Variants in VRK2 observed in about 807,000 individuals in gnomAD.
VRK2 encodes VRK serine/threonine kinase 2.
In VRK2, 60 loss-of-function variants were observed where a neutral mutation model predicts 57.6. That is an observed-to-expected ratio of 1.04 (90% confidence interval 0.85 to 1.29). VRK2 has a LOEUF of 1.29. VRK2 is among the 50% of genes most tolerant of loss of function. VRK2 has a pLI of 0.00. For synonymous variants in VRK2, 231 were observed against 199.2 expected, an observed-to-expected ratio of 1.16 and a Z score of -1.35; for missense variants, 705 against 588.1, an observed-to-expected ratio of 1.20 and a Z score of -2.06.
intron 1 of VRK2, among the ~76,000 whole-genome samples, chr2:57,952,434 G>T (rs531494118): frequency 5.3e-5 from 8 of 152,260 alleles, no homozygotes; most frequent in African/African-American, 1.9e-4. Flanking sequence ...ACGAAAGAGG[G>T]AATTAACATT....
intron 2 of VRK2, among the ~76,000 whole-genome samples, chr2:58,058,737 T>C (rs886300710): frequency 1.3e-5 from 2 of 152,004 alleles, no homozygotes; most frequent in Non-Finnish European, 2.9e-5. Flanking sequence ...TGTGCCAAGC[T>C]CTGTGTTAAG....
At chr2:57,932,596 T>C (rs1447287593) in intron 1 of VRK2, among the ~76,000 whole-genome samples, 1 of 152,078 alleles carries the variant, frequency 6.6e-6, no homozygotes. Flanking sequence ...TTTTACTTAG[T>C]CCAGCTAAAG....
At chr2:58,154,377 G>A (rs564168060) in intron 12 of VRK2, among the ~76,000 whole-genome samples, 3 of 151,160 alleles carry the variant, frequency 2.0e-5, no homozygotes, top group Admixed American at 2.0e-4. Flanking sequence ...TATCTATGGG[G>A]TACAATGTGA....
At chr2:58,124,407 G>C (rs1677994145) in intron 8 of VRK2, among the ~76,000 whole-genome samples, 1 of 152,144 alleles carries the variant, frequency 6.6e-6, no homozygotes, top group Admixed American at 6.5e-5. Context: ...TGAAAAAATG[G>C]TGATTATTGA....
chr2:57,909,483 T>G (rs1175937330), intron 1 of VRK2, among the ~76,000 whole-genome samples: 1 of 152,048 alleles, frequency 6.6e-6, no homozygotes, highest in African/African-American at 2.4e-5. Context: ...TGTGTTTTTT[T>G]TTTAGTTCTC....
intron 1 of VRK2, among the ~76,000 whole-genome samples, chr2:57,935,662 A>G (rs1670882361): frequency 6.6e-6 from 1 of 151,236 alleles, no homozygotes; most frequent in Non-Finnish European, 1.5e-5. Context: ...CTCTGCTCTC[A>G]TTCTCTCCCA....
chr2:58,101,993 G>A (rs141078908), intron 7 of VRK2, among the ~76,000 whole-genome samples: 10 of 151,772 alleles, frequency 6.6e-5, no homozygotes, highest in African/African-American at 2.4e-4. Flanking sequence ...AGCCAACCAA[G>A]TAGAGCTGGA....
chr2:57,975,597 A>C (rs1022881456), intron 1 of VRK2, among the ~76,000 whole-genome samples: 1 of 151,912 alleles, frequency 6.6e-6, no homozygotes, highest in Non-Finnish European at 1.5e-5. Flanking sequence ...CCCGTCACCC[A>C]GACTGCAAAC....
chr2:58,136,995 T>G (rs1242236863), intron 10 of VRK2, among the ~76,000 whole-genome samples: 1 of 132,764 alleles, frequency 7.5e-6, no homozygotes, highest in Non-Finnish European at 1.5e-5. Context: ...TATATGTGTA[T>G]ATATCATATA....
intron 5 of VRK2, among the ~76,000 whole-genome samples, chr2:58,087,375 C>T (rs995693426): frequency 1.3e-5 from 2 of 152,092 alleles, no homozygotes; most frequent in Non-Finnish European, 2.9e-5. Context: ...CATATCATGT[C>T]ATATGTAGCC....
intron 2 of VRK2, among the ~76,000 whole-genome samples, chr2:58,072,992 G>C (rs1484385091): frequency 6.6e-6 from 1 of 152,068 alleles, no homozygotes; most frequent in East Asian, 1.9e-4. Flanking sequence ...CACTACTTCT[G>C]CTGCATCCCT....
intron 7 of VRK2, among the ~76,000 whole-genome samples, chr2:58,099,445 T>A (rs1333291357): frequency 6.6e-6 from 1 of 152,082 alleles, no homozygotes; most frequent in Non-Finnish European, 1.5e-5. Flanking sequence ...ATATACTTCT[T>A]TTATATTCCT....
At chr2:58,071,823 CTT>C (rs1312432107) in intron 2 of VRK2, among the ~76,000 whole-genome samples, 1 of 151,912 alleles carries the variant, frequency 6.6e-6, no homozygotes, top group Non-Finnish European at 1.5e-5. Context: ...CACAACATAA[CTT>C]GTGTTTTTAT....
chr2:58,065,339 G>T (rs1010932300), intron 2 of VRK2, among the ~76,000 whole-genome samples: 6 of 151,976 alleles, frequency 3.9e-5, no homozygotes, highest in Admixed American at 6.6e-5. Flanking sequence ...CTATAGATGT[G>T]GCTTTTGGGG....
chr2:58,029,738 G>T (rs1388983115), intron 2 of VRK2, among the ~76,000 whole-genome samples: 1 of 152,056 alleles, frequency 6.6e-6, no homozygotes, highest in Non-Finnish European at 1.5e-5. Flanking sequence ...GCCAGCTCTG[G>T]GGTCTAATGA....
intron 1 of VRK2, among the ~76,000 whole-genome samples, chr2:58,014,040 TG>T (rs1673499531): frequency 6.6e-6 from 1 of 152,164 alleles, no homozygotes; most frequent in Admixed American, 6.6e-5. Flanking sequence ...TAAATAATAA[TG>T]ATATCACAAT....
intron 5 of VRK2, among the ~76,000 whole-genome samples, chr2:58,086,982 T>G (rs1464489127): frequency 1.3e-5 from 2 of 152,182 alleles, no homozygotes; most frequent in African/African-American, 2.4e-5. Flanking sequence ...GATCCATTGG[T>G]CCTGAGAGAG....
At chr2:58,066,172 G>C (rs778639683) in intron 2 of VRK2, among the ~76,000 whole-genome samples, 22 of 152,222 alleles carry the variant, frequency 1.4e-4, no homozygotes, top group African/African-American at 4.1e-4. Flanking sequence ...GCTCATTTTT[G>C]ACTTGTTCTC....
chr2:58,009,805 C>T (rs1374005209), intron 1 of VRK2, among the ~76,000 whole-genome samples: 3 of 151,972 alleles, frequency 2.0e-5, no homozygotes, highest in Admixed American at 6.6e-5. Context: ...TTTAAGCCTA[C>T]GCTTTACTTA....
Sources: gnomAD v4.1 joint callset for allele counts (sites outside exome capture counted in the v4.1 genomes callset) on GRCh38, gnomAD v4.1.1 for gene constraint, MANE v1.5 for transcripts, NCBI Gene and HGNC (gene_info 2026-07-23, HGNC 2026-07-21) for gene names.